Variants in KIF18A observed in about 807,000 individuals in gnomAD.
KIF18A encodes the protein kinesin family member 18A, also known as kinesin-like protein KIF18A.
A neutral mutation model predicts 103.3 loss-of-function variants in KIF18A; 67 were observed. The ratio of observed to expected loss-of-function variants is 0.65; its 90% CI spans 0.53 to 0.79. KIF18A has a LOEUF of 0.79. KIF18A is among the 30% of genes least tolerant of loss of function. The pLI is 0.00. For synonymous variants in KIF18A, 367 were observed against 355.5 expected, an observed-to-expected ratio of 1.03 and a Z score of -0.36; for missense variants, 1,032 against 1,062.5, an observed-to-expected ratio of 0.97 and a Z score of 0.40.
At chr11:28,055,818 G>A (rs1273947315) in intron 13 of KIF18A, among the ~76,000 whole-genome samples, 1 of 152,146 alleles carries the variant, frequency 6.6e-6, no homozygotes, top group East Asian at 1.9e-4. Flanking sequence ...GCATGCATAT[G>A]AGGAATTAAG....
At chr11:28,094,900 A>T (rs1307546261) in intron 2 of KIF18A, 100 bp from the exon 3 acceptor site, 5 of 1,188,852 alleles carry the variant, frequency 4.2e-6, no homozygotes, top group African/African-American at 1.5e-5. Context: ...CCTGAACAGT[A>T]TCTTTAAACC....
chr11:28,098,862 C>A (rs957663461), intron 1 of KIF18A, among the ~76,000 whole-genome samples: 2 of 150,694 alleles, frequency 1.3e-5, no homozygotes, highest in East Asian at 4.0e-4. Context: ...AAACAAACAA[C>A]AACAACAACA....
At chr11:28,034,931 T>C (rs887426790) in intron 15 of KIF18A, among the ~76,000 whole-genome samples, 3 of 151,642 alleles carry the variant, frequency 2.0e-5, no homozygotes, top group African/African-American at 7.3e-5. Flanking sequence ...GGTAGCTTGG[T>C]CTGATACAAG....
At chr11:28,076,058 A>G (rs1851087476) in intron 10 of KIF18A, among the ~76,000 whole-genome samples, 2 of 151,902 alleles carry the variant, frequency 1.3e-5, no homozygotes, top group South Asian at 4.2e-4. Context: ...TAAAGGATAT[A>G]GGCCACTGAA....
At chr11:28,065,091 A>G (rs1181475096) in intron 11 of KIF18A, among the ~76,000 whole-genome samples, 1 of 152,076 alleles carries the variant, frequency 6.6e-6, no homozygotes, top group East Asian at 1.9e-4. Context: ...AGGAGTCTGC[A>G]TTAGGATAGC....
chr11:28,041,590 T>C (rs1409422927), intron 13 of KIF18A, among the ~76,000 whole-genome samples: 1 of 151,846 alleles, frequency 6.6e-6, no homozygotes, highest in Non-Finnish European at 1.5e-5. Context: ...AAGGGAGATC[T>C]GTGGAGGGTT....
At chr11:28,084,547 T>C in intron 7 of KIF18A, 85 bp downstream of exon 7, 2 of 1,147,994 alleles carry the variant, frequency 1.7e-6, no homozygotes, top group Non-Finnish European at 2.5e-6. Context: ...TGTAGAAACA[T>C]AACCTGAATT....
chr11:28,099,467 C>G (rs1469108228), intron 1 of KIF18A, among the ~76,000 whole-genome samples: 2 of 151,596 alleles, frequency 1.3e-5, no homozygotes, highest in African/African-American at 2.4e-5. Context: ...AATGTTCTCA[C>G]AACAAAAAAA....
intron 15 of KIF18A, among the ~76,000 whole-genome samples, chr11:28,028,147 C>A (rs867141809): frequency 6.6e-6 from 1 of 151,374 alleles, no homozygotes; most frequent in Non-Finnish European, 1.5e-5. Flanking sequence ...ATTCAACATC[C>A]CTTTATGATA....
At chr11:28,022,629 TAAG>T (rs1475562283) in intron 16 of KIF18A, among the ~76,000 whole-genome samples, 1 of 152,196 alleles carries the variant, frequency 6.6e-6, no homozygotes, top group African/African-American at 2.4e-5. Flanking sequence ...AAGAACTTTT[TAAG>T]AAGATCAGTG....
intron 15 of KIF18A, among the ~76,000 whole-genome samples, chr11:28,026,225 C>T (rs1174107956): frequency 6.6e-6 from 1 of 151,628 alleles, no homozygotes; most frequent in East Asian, 1.9e-4. Context: ...TTTGGAATAT[C>T]CAGTGCTTTC....
chr11:28,042,162 G>A (rs2204480), intron 13 of KIF18A, among the ~76,000 whole-genome samples: 1 of 151,720 alleles, frequency 6.6e-6, no homozygotes, highest in South Asian at 2.1e-4. Flanking sequence ...TGCTGAGGTA[G>A]GGGAAAGGAA....
intron 13 of KIF18A, among the ~76,000 whole-genome samples, chr11:28,040,894 T>G (rs1850550915): frequency 6.6e-6 from 1 of 151,840 alleles, no homozygotes; most frequent in African/African-American, 2.4e-5. Flanking sequence ...ACCCATGGGA[T>G]GTAAGTGAAT....
intron 13 of KIF18A, among the ~76,000 whole-genome samples, chr11:28,056,663 T>C (rs1850784296): frequency 6.6e-6 from 1 of 151,812 alleles, no homozygotes; most frequent in African/African-American, 2.4e-5. Context: ...ATAATAAAAC[T>C]ATTACAAGCC....
chr11:28,046,199 T>C (rs1352833511), intron 13 of KIF18A, among the ~76,000 whole-genome samples: 1 of 152,064 alleles, frequency 6.6e-6, no homozygotes, highest in African/African-American at 2.4e-5. Flanking sequence ...ACTGGGTATA[T>C]ATACCCAAAG....
chr11:28,065,051 A>G (rs1182696923), intron 11 of KIF18A, among the ~76,000 whole-genome samples: 2 of 152,044 alleles, frequency 1.3e-5, no homozygotes, highest in East Asian at 3.8e-4. Context: ...AAGCAGAAGG[A>G]CCAAACGTAG....
intron 13 of KIF18A, among the ~76,000 whole-genome samples, chr11:28,039,205 T>C (rs1472680192): frequency 6.6e-6 from 1 of 151,744 alleles, no homozygotes; most frequent in Non-Finnish European, 1.5e-5. Flanking sequence ...AATGCAAATA[T>C]GTTTCAACTG....
At chr11:28,066,036 T>C (rs1172237317) in intron 11 of KIF18A, among the ~76,000 whole-genome samples, 1 of 151,950 alleles carries the variant, frequency 6.6e-6, no homozygotes, top group Non-Finnish European at 1.5e-5. Context: ...CTATAAGGGG[T>C]AAATAATCTA....
chr11:28,069,415 T>A lies in KIF18A; in HGVS notation c.1434A>T (p.Gly478=). The change falls in exon 11 of 17, where the codon GGA becomes GGT. Residue 478 remains glycine, a synonymous_variant. Transcript: ENST00000263181. ...CSEDKVEKAT[G]KRDHRLAMLK... is the part of the protein sequence containing the mutation. The stretch of plus-strand genomic sequence containing the variant: ...ACATTGCAAGTCTATGATCTCGTTT[T>A]CCAGTGGCCTGAAACACGATTCATT... The A allele has an allele frequency of 6.2e-7, 1 of 1,612,780 alleles. No homozygotes were observed. Among genetic ancestry groups the A allele is most frequent in the Non-Finnish European group, 8.5e-7 (1 of 1,179,520 alleles).
Sources: gnomAD v4.1 joint callset for allele counts (sites outside exome capture counted in the v4.1 genomes callset) on GRCh38, gnomAD v4.1.1 for gene constraint, MANE v1.5 for transcripts, NCBI Gene and HGNC (gene_info 2026-07-23, HGNC 2026-07-21) for gene names.